Variants in SAE1 observed in about 807,000 individuals in gnomAD.
SAE1 encodes the protein SUMO1 activating enzyme subunit 1.
In SAE1, 11 loss-of-function variants were observed where a neutral mutation model predicts 40.6. The ratio of observed to expected loss-of-function variants is 0.27; its 90% CI spans 0.17 to 0.45. The LOEUF is 0.45. Ranked by LOEUF, SAE1 falls within the 20% of genes least tolerant of loss-of-function variation. SAE1 has a pLI of 1.00. For synonymous variants in SAE1, 155 were observed against 154.3 expected, an observed-to-expected ratio of 1.00 and a Z score of -0.03; for missense variants, 373 against 427.3, an observed-to-expected ratio of 0.87 and a Z score of 1.12.
intron 8 of SAE1, among the ~76,000 whole-genome samples, chr19:47,208,919 T>C (rs990135972): frequency 2.0e-5 from 3 of 152,198 alleles, no homozygotes; most frequent in African/African-American, 7.2e-5. Flanking sequence ...AATCTCATGT[T>C]AGGAAAATAA....
chr19:47,137,997 G>A (rs1260091507), intron 1 of SAE1, among the ~76,000 whole-genome samples: 2 of 151,846 alleles, frequency 1.3e-5, no homozygotes, highest in African/African-American at 2.4e-5. Flanking sequence ...CCAAAGTGCT[G>A]GGATTACAGG....
intron 1 of SAE1, among the ~76,000 whole-genome samples, chr19:47,132,850 A>G (rs1260327996): frequency 6.6e-6 from 1 of 151,028 alleles, no homozygotes; most frequent in Non-Finnish European, 1.5e-5. Context: ...TGATCACACC[A>G]CTACACCCCA....
intron 2 of SAE1, among the ~76,000 whole-genome samples, chr19:47,148,462 T>TA (rs2058267475): frequency 1.3e-5 from 2 of 151,982 alleles, no homozygotes; most frequent in African/African-American, 4.8e-5. Flanking sequence ...TGTGAAGAAA[T>TA]ACTTTGAGAG....
chr19:47,200,399 A>ATTTTTTTTTT (rs35657499), intron 7 of SAE1, among the ~76,000 whole-genome samples: 27 of 102,562 alleles, frequency 2.6e-4, no homozygotes, highest in African/African-American at 3.3e-4. Flanking sequence ...AGCCTGCCTA[A>ATTTTTTTTTT]TTTTTTTTTT....
intron 8 of SAE1, among the ~76,000 whole-genome samples, chr19:47,204,134 C>G (rs1305057795): frequency 6.8e-6 from 1 of 148,080 alleles, no homozygotes; most frequent in Non-Finnish European, 1.5e-5. Flanking sequence ...AACCTGTGCT[C>G]TTAACCTCTG....
At chr19:47,150,447 T>C in intron 3 of SAE1, 72 bp downstream of exon 3, 1 of 1,217,554 alleles carries the variant, frequency 8.2e-7, no homozygotes, top group Non-Finnish European at 1.2e-6. Context: ...TACTTTCAAA[T>C]CCCAAAGCAA....
intron 2 of SAE1, among the ~76,000 whole-genome samples, chr19:47,145,439 C>T (rs1373911846): frequency 2.0e-5 from 3 of 152,136 alleles, no homozygotes; most frequent in African/African-American, 7.2e-5. Context: ...GAGCTACCAT[C>T]CCCTGCTGAC....
chr19:47,149,163 CTTTTTTT>C (rs958403274), intron 2 of SAE1, among the ~76,000 whole-genome samples: 7 of 86,484 alleles, frequency 8.1e-5, no homozygotes, highest in Admixed American at 1.5e-4. Context: ...CACTGGTCTA[CTTTTTTT>C]TTTTTTTTTT....
At chr19:47,195,736 CTTTTTTTT>C (rs56268362) in intron 6 of SAE1, among the ~76,000 whole-genome samples, 12 of 93,134 alleles carry the variant, frequency 1.3e-4, no homozygotes, top group East Asian at 1.0e-3. Flanking sequence ...TTTTTTTCTT[CTTTTTTTT>C]TTTTTTTTTT....
At chr19:47,156,900 G>C (rs1005441773) in intron 5 of SAE1, among the ~76,000 whole-genome samples, 1 of 152,120 alleles carries the variant, frequency 6.6e-6, no homozygotes, top group Non-Finnish European at 1.5e-5. Context: ...CATGCGATGG[G>C]GAAAGCAAGA....
At chr19:47,160,388 A>ATTTTTTT (rs34266912) in intron 5 of SAE1, among the ~76,000 whole-genome samples, 2 of 75,080 alleles carry the variant, frequency 2.7e-5, no homozygotes, top group Non-Finnish European at 5.3e-5. Context: ...CGCCCAGCTA[A>ATTTTTTT]TTTTTTTTTT....
intron 1 of SAE1, among the ~76,000 whole-genome samples, chr19:47,140,384 G>T (rs2123186740): frequency 6.6e-6 from 1 of 152,082 alleles, no homozygotes; most frequent in East Asian, 1.9e-4. Context: ...GGGATTACAG[G>T]TGTGAGCCAC....
At chr19:47,177,170 ATATTCT>A (rs1296129926) in intron 6 of SAE1, among the ~76,000 whole-genome samples, 1 of 152,220 alleles carries the variant, frequency 6.6e-6, no homozygotes, top group African/African-American at 2.4e-5. Context: ...GAAGCTGAAA[ATATTCT>A]TAGACCAAAC....
intron 6 of SAE1, among the ~76,000 whole-genome samples, chr19:47,187,418 T>C (rs771881492): frequency 6.6e-5 from 10 of 152,244 alleles, no homozygotes. Flanking sequence ...ATGTGTAGCA[T>C]GTTTGTAACA....
intron 1 of SAE1, among the ~76,000 whole-genome samples, chr19:47,140,901 TGCAGCG>T (rs1245008051): frequency 7.9e-5 from 12 of 152,168 alleles, no homozygotes; most frequent in Middle Eastern, 3.4e-3. Flanking sequence ...TGGGATGGAG[TGCAGCG>T]GCACAGTCTT....
At chr19:47,182,496 T>TGTGTGTGTGTGTGC (rs143321323) in intron 6 of SAE1, among the ~76,000 whole-genome samples, 36 of 146,042 alleles carry the variant, frequency 2.5e-4, no homozygotes, top group South Asian at 2.4e-3. Flanking sequence ...TGTGTGTGTG[T>TGTGTGTGTGTGTGC]GCGCGCACGC....
intron 6 of SAE1, chr19:47,180,105 G>C (rs1413221934): frequency 4.4e-6 from 2 of 450,108 alleles, no homozygotes; most frequent in Admixed American, 4.8e-5. Flanking sequence ...ATAGATGTAT[G>C]TGTGTATGCA....
intron 6 of SAE1, among the ~76,000 whole-genome samples, chr19:47,172,944 A>G (rs768917077): frequency 4.6e-5 from 7 of 152,192 alleles, no homozygotes; most frequent in Middle Eastern, 3.4e-3. Flanking sequence ...AGGGAATTTA[A>G]AGTCAGTGGC....
At chr19:47,174,759 G>T (rs1355796309) in intron 6 of SAE1, among the ~76,000 whole-genome samples, 2 of 151,758 alleles carry the variant, frequency 1.3e-5, no homozygotes, top group Non-Finnish European at 2.9e-5. Context: ...ATTTTTAGTA[G>T]AGACGGGGTT....
Sources: gnomAD v4.1 joint callset for allele counts (sites outside exome capture counted in the v4.1 genomes callset) on GRCh38, gnomAD v4.1.1 for gene constraint, MANE v1.5 for transcripts, NCBI Gene and HGNC (gene_info 2026-07-23, HGNC 2026-07-21) for gene names.